GPR158: variants seen among roughly 807,000 people sequenced by gnomAD.
GPR158 encodes the protein metabotropic glycine receptor.
In GPR158, 30 loss-of-function variants were observed where a neutral mutation model predicts 78.2. The ratio of observed to expected loss-of-function variants is 0.38; its 90% CI spans 0.29 to 0.52. The LOEUF (loss-of-function observed/expected upper bound fraction) is 0.52. Among genes scored for constraint, GPR158 ranks in the 20% least tolerant of loss-of-function variants. The probability of loss-of-function intolerance (pLI) is 0.83; values close to 1 mark genes in which losing one functional copy is unlikely to be tolerated. For synonymous variants in GPR158, 581 were observed against 591.1 expected, an observed-to-expected ratio of 0.98 and a Z score of 0.25; for missense variants, 1,463 against 1,523.5, an observed-to-expected ratio of 0.96 and a Z score of 0.66.
rs1305799878 is a variant in GPR158, at chr10:25,600,537, A to G, written c.*1263A>G. ...ATCATTGTATGGATATATTTTTATT[A>G]TGTGTACTGAAAATACAGTATTTTA... is the stretch of plus-strand genomic sequence containing the variant. On this transcript the variant is annotated 3_prime_UTR_variant, in exon 11 of 11. Coordinates refer to ENST00000376351, the MANE Select transcript of GPR158 (RefSeq NM_020752.3). The G allele has an allele frequency of 6.6e-6, 1 of 152,350 alleles. No homozygotes were observed. Among genetic ancestry groups the G allele is most frequent in the Non-Finnish European group, 1.5e-5 (1 of 68,036 alleles). The allele number at this position is 152,350 out of a possible 1,614,324, so 9.4% of individuals were successfully genotyped here.
At chr10:25,433,935 G>A (rs572449698) in intron 4 of GPR158, among the ~76,000 whole-genome samples, 2 of 151,964 alleles carry the variant, frequency 1.3e-5, no homozygotes, top group South Asian at 2.1e-4. Flanking sequence ...CGAGGTGGGT[G>A]GATCACGAGG....
chr10:25,310,745 A>G (rs1398225078), intron 2 of GPR158, among the ~76,000 whole-genome samples: 1 of 151,898 alleles, frequency 6.6e-6, no homozygotes, highest in African/African-American at 2.4e-5. Flanking sequence ...TTGAAGTGAA[A>G]TTTATTATTT....
intron 7 of GPR158, among the ~76,000 whole-genome samples, chr10:25,586,391 ATTTTTTTT>A (rs71399977): frequency 2.5e-4 from 18 of 70,910 alleles, no homozygotes; most frequent in African/African-American, 6.8e-4. Flanking sequence ...GTATGTGTGA[ATTTTTTTT>A]TTTTTTTTTT....
At chr10:25,465,195 T>TATTGTTACAAAATTA (rs890996235) in intron 4 of GPR158, among the ~76,000 whole-genome samples, 1 of 152,250 alleles carries the variant, frequency 6.6e-6, no homozygotes, top group African/African-American at 2.4e-5. Context: ...AGAATTTTTT[T>TATTGTTACAAAATTA]ATTGTTACAA....
chr10:25,283,530 TA>T (rs1332162153), intron 2 of GPR158, among the ~76,000 whole-genome samples: 1 of 152,022 alleles, frequency 6.6e-6, no homozygotes, highest in Non-Finnish European at 1.5e-5. Flanking sequence ...ACACTAGGCA[TA>T]AATGGGTTAA....
chr10:25,539,246 C>A (rs372356090), intron 5 of GPR158, among the ~76,000 whole-genome samples: 2 of 152,176 alleles, frequency 1.3e-5, no homozygotes, highest in South Asian at 2.1e-4. Context: ...TGGGGCATGA[C>A]CAAGGATTTT....
intron 2 of GPR158, among the ~76,000 whole-genome samples, chr10:25,263,394 A>G (rs1315374850): frequency 1.3e-5 from 2 of 152,118 alleles, no homozygotes; most frequent in African/African-American, 2.4e-5. Context: ...TCTTTTCCTA[A>G]TACCACACTG....
chr10:25,333,527 A>G (rs1428266708), intron 2 of GPR158, among the ~76,000 whole-genome samples: 1 of 152,162 alleles, frequency 6.6e-6, no homozygotes, highest in African/African-American at 2.4e-5. Flanking sequence ...GTGATGTTAC[A>G]ACCCATCCCC....
intron 4 of GPR158, among the ~76,000 whole-genome samples, chr10:25,444,322 TGTG>T (rs1835108747): frequency 6.6e-6 from 1 of 150,844 alleles, no homozygotes; most frequent in South Asian, 2.1e-4. Flanking sequence ...TATGTGTGGG[TGTG>T]GTGTGTGTTG....
intron 5 of GPR158, among the ~76,000 whole-genome samples, chr10:25,481,916 C>G (rs952132488): frequency 1.3e-5 from 2 of 152,140 alleles, no homozygotes; most frequent in Non-Finnish European, 2.9e-5. Context: ...TATACATAGT[C>G]ATGTAGAGGA....
intron 5 of GPR158, among the ~76,000 whole-genome samples, chr10:25,540,361 C>A (rs1836561747): frequency 6.6e-6 from 1 of 152,166 alleles, no homozygotes; most frequent in African/African-American, 2.4e-5. Flanking sequence ...TAAACTAGTT[C>A]AACCATTGTG....
At chr10:25,589,886 T>C (rs1257769676) in intron 8 of GPR158, among the ~76,000 whole-genome samples, 1 of 152,234 alleles carries the variant, frequency 6.6e-6, no homozygotes, top group Admixed American at 6.5e-5. Flanking sequence ...GAAGGAATTC[T>C]ATCATTTAAA....
intron 2 of GPR158, among the ~76,000 whole-genome samples, chr10:25,230,931 C>T (rs1475826026): frequency 6.6e-6 from 1 of 152,068 alleles, no homozygotes; most frequent in East Asian, 1.9e-4. Context: ...GCGATATTGG[C>T]TATATGTTTG....
intron 2 of GPR158, among the ~76,000 whole-genome samples, chr10:25,362,076 C>A (rs1272189470): frequency 1.3e-5 from 2 of 151,838 alleles, no homozygotes; most frequent in Admixed American, 1.3e-4. Flanking sequence ...TGAAATATTT[C>A]CTGTATGTTT....
intron 7 of GPR158, among the ~76,000 whole-genome samples, chr10:25,578,851 C>CA (rs1194306232): frequency 4.0e-5 from 6 of 151,052 alleles, no homozygotes; most frequent in African/African-American, 1.2e-4. Flanking sequence ...ACTAAAAATA[C>CA]AAAAAAAATT....
chr10:25,575,451 C>T (rs1188220526), intron 7 of GPR158, among the ~76,000 whole-genome samples: 3 of 152,104 alleles, frequency 2.0e-5, no homozygotes, highest in African/African-American at 4.8e-5. Context: ...CCCGCAGCAG[C>T]GGCATCACCT....
At chr10:25,207,119 T>TG (rs1853052473) in intron 1 of GPR158, among the ~76,000 whole-genome samples, 1 of 152,022 alleles carries the variant, frequency 6.6e-6, no homozygotes, top group South Asian at 2.1e-4. Flanking sequence ...GCTCTTTGTC[T>TG]GGGGGGAGAC....
chr10:25,217,154 T>C (rs901441969), intron 1 of GPR158, among the ~76,000 whole-genome samples: 10 of 152,316 alleles, frequency 6.6e-5, no homozygotes, highest in Admixed American at 2.0e-4. Flanking sequence ...CTCATAAAAC[T>C]TGCAAAAATA....
chr10:25,250,836 G>T lies in GPR158; in HGVS notation c.1008+29679G>T, dbSNP rs1392978039. ...TGTAGATGTCTATTAGGTCCGCTTG[G>T]TGCAGAGCTGAGTTCAGTTCCTGGG... is the stretch of plus-strand genomic sequence containing the variant. On this transcript the variant is annotated intron_variant, in intron 2 of 10. Transcript: ENST00000376351. Among the ~76,000 whole-genome samples, 21 of 151,198 alleles carry T rather than the reference G, an allele frequency of 1.4e-4. No individual in the cohort carries two copies. In the South Asian group the frequency reaches 4.2e-3, roughly 31 times the overall value.
Sources: allele counts gnomAD v4.1 joint callset (sites outside exome capture counted in the v4.1 genomes callset), GRCh38; gene constraint gnomAD v4.1.1; transcripts MANE v1.5; gene names NCBI Gene and HGNC (gene_info 2026-07-23, HGNC 2026-07-21).